Variants in RIMS1 observed in about 807,000 individuals in gnomAD.
RIMS1 encodes regulating synaptic membrane exocytosis 1, also known as regulating synaptic membrane exocytosis protein 1.
Under a neutral mutation model 214.1 loss-of-function variants are expected in RIMS1, and 83 were observed. That is an observed-to-expected ratio of 0.39 (90% CI 0.32 to 0.47). RIMS1 has a LOEUF of 0.47. Ranked by LOEUF, RIMS1 falls within the 20% of genes least tolerant of loss-of-function variation. RIMS1 has a pLI of 0.99. For missense variants in RIMS1, 2,050 were observed against 2,161.8 expected, an observed-to-expected ratio of 0.95 and a Z score of 1.03; for synonymous variants, 793 against 786.8, an observed-to-expected ratio of 1.01 and a Z score of -0.13.
intron 4 of RIMS1, among the ~76,000 whole-genome samples, chr6:72,164,599 T>G (rs2045998499): frequency 6.6e-6 from 1 of 152,246 alleles, no homozygotes; most frequent in Non-Finnish European, 1.5e-5. Context: ...TTTGTATTTA[T>G]TCTACTGATG....
At chr6:72,251,802 C>CTG (rs2073484073) in intron 15 of RIMS1, among the ~76,000 whole-genome samples, 2 of 151,942 alleles carry the variant, frequency 1.3e-5, no homozygotes, top group East Asian at 3.9e-4. Flanking sequence ...CCTGCACCTC[C>CTG]CGGGTTTAAG....
chr6:71,956,154 A>G (rs573927316), intron 1 of RIMS1, among the ~76,000 whole-genome samples: 6 of 152,150 alleles, frequency 3.9e-5, no homozygotes, highest in African/African-American at 1.4e-4. Flanking sequence ...TAATATTTCC[A>G]CTCTACTGTT....
At chr6:72,271,278 A>AT (rs1197190014) in intron 22 of RIMS1, among the ~76,000 whole-genome samples, 1 of 51,276 alleles carries the variant, frequency 2.0e-5, no homozygotes, top group African/African-American at 7.6e-5. Context: ...GGAAAAAAAA[A>AT]AAAAAAAAAT....
intron 28 of RIMS1, chr6:72,316,975 G>C: frequency 1.7e-6 from 1 of 590,672 alleles, no homozygotes; most frequent in Non-Finnish European, 3.2e-6. Flanking sequence ...GGAGAGGGTC[G>C]AGGGCCCAGT....
chr6:72,378,986 C>T (rs2098440950), intron 29 of RIMS1, among the ~76,000 whole-genome samples: 1 of 152,162 alleles, frequency 6.6e-6, no homozygotes, highest in South Asian at 2.1e-4. Context: ...GAAAAATTTC[C>T]ATTAACTCTC....
intron 22 of RIMS1, among the ~76,000 whole-genome samples, chr6:72,269,467 A>G (rs1173782517): frequency 2.0e-5 from 3 of 151,936 alleles, no homozygotes; most frequent in South Asian, 4.2e-4. Flanking sequence ...TATGAAGACA[A>G]CCCTCCACTA....
intron 16 of RIMS1, among the ~76,000 whole-genome samples, chr6:72,254,906 TC>T (rs1407200069): frequency 6.6e-6 from 1 of 152,188 alleles, no homozygotes. Flanking sequence ...GCAATATTTT[TC>T]AAATAATATT....
intron 28 of RIMS1, among the ~76,000 whole-genome samples, chr6:72,332,257 T>A (rs903908385): frequency 5.3e-5 from 8 of 151,782 alleles, no homozygotes; most frequent in Admixed American, 1.3e-4. Flanking sequence ...GGTCATATAA[T>A]TAGTTTTTGC....
At chr6:72,001,370 G>C (rs1464654318) in intron 2 of RIMS1, among the ~76,000 whole-genome samples, 2 of 152,112 alleles carry the variant, frequency 1.3e-5, no homozygotes, top group Admixed American at 1.3e-4. Context: ...TTAGATTGCA[G>C]TTCACATATA....
chr6:71,896,591 A>G (rs1460155429), intron 1 of RIMS1, among the ~76,000 whole-genome samples: 1 of 152,136 alleles, frequency 6.6e-6, no homozygotes, highest in Non-Finnish European at 1.5e-5. Flanking sequence ...CAAGAAGCAG[A>G]TACTTTTGCT....
chr6:72,307,624 G>A (rs2095286346), intron 27 of RIMS1, among the ~76,000 whole-genome samples: 1 of 152,058 alleles, frequency 6.6e-6, no homozygotes, highest in East Asian at 1.9e-4. Context: ...GCGTGCGCCT[G>A]TAATCCCAGC....
In RIMS1 at chr6:72,247,886, C is replaced by G. The variant is rs928222256; in HGVS notation, c.2129-129C>G. 11 of 634,514 alleles carry G rather than the reference C, an allele frequency of 1.7e-5. No homozygotes were observed. The Admixed American group carries it at 1.9e-4, about 11-fold the overall frequency. 39.3% of individuals were successfully genotyped at this position (634,514 alleles called of 1,614,324 possible). On this transcript the variant is annotated intron_variant, in intron 11 of 33. Coordinates refer to ENST00000521978, the MANE Select transcript of RIMS1 (RefSeq NM_014989.7). Reference sequence around the variant, plus strand: ...AATAGACAACTAAAGACAATCTATCCCATTAAAAGTAGGTTCTGTTATCAG... The same window carrying G: ...AATAGACAACTAAAGACAATCTATCGCATTAAAAGTAGGTTCTGTTATCAG...
At chr6:72,037,116 C>T (rs1019956631) in intron 2 of RIMS1, among the ~76,000 whole-genome samples, 6 of 151,136 alleles carry the variant, frequency 4.0e-5, no homozygotes, top group Non-Finnish European at 8.8e-5. Context: ...TATTTACTTC[C>T]TTATAGCAAA....
At chr6:72,369,686 A>G (rs1250524376) in intron 29 of RIMS1, among the ~76,000 whole-genome samples, 3 of 152,244 alleles carry the variant, frequency 2.0e-5, no homozygotes, top group African/African-American at 7.2e-5. Flanking sequence ...CACAGCTACA[A>G]AATACCTTCA....
At chr6:72,217,310 A>C (rs2056562736) in intron 6 of RIMS1, 4 of 1,353,302 alleles carry the variant, frequency 3.0e-6, no homozygotes, top group Non-Finnish European at 4.1e-6. Flanking sequence ...TAATTATCCA[A>C]AAGAGTAAGA....
chr6:72,330,073 C>G (rs972125131), intron 28 of RIMS1, among the ~76,000 whole-genome samples: 1 of 151,726 alleles, frequency 6.6e-6, no homozygotes, highest in Non-Finnish European at 1.5e-5. Flanking sequence ...TGAGGAGCTC[C>G]TACATTTAGT....
chr6:72,078,339 C>T (rs375044412), intron 2 of RIMS1, among the ~76,000 whole-genome samples: 4 of 152,166 alleles, frequency 2.6e-5, no homozygotes, highest in East Asian at 3.9e-4. Context: ...CAAGTAATTA[C>T]TATGAAATGT....
intron 16 of RIMS1, among the ~76,000 whole-genome samples, chr6:72,255,348 A>G (rs1195775810): frequency 2.0e-5 from 3 of 152,190 alleles, no homozygotes; most frequent in Non-Finnish European, 2.9e-5. Flanking sequence ...TAATGTACTC[A>G]AGGAAGTTCC....
chr6:72,380,049 C>G (rs993687848), intron 29 of RIMS1, among the ~76,000 whole-genome samples: 3 of 152,084 alleles, frequency 2.0e-5, no homozygotes, highest in African/African-American at 7.2e-5. Flanking sequence ...ACATATACAC[C>G]ATGGAATACT....
Sources: gnomAD v4.1 joint callset for allele counts (sites outside exome capture counted in the v4.1 genomes callset) on GRCh38, gnomAD v4.1.1 for gene constraint, MANE v1.5 for transcripts, NCBI Gene and HGNC (gene_info 2026-07-23, HGNC 2026-07-21) for gene names.